Variants in ROCK2 observed in about 807,000 individuals in gnomAD.
ROCK2 encodes the protein Rho associated coiled-coil containing protein kinase 2.
In ROCK2, 61 loss-of-function variants were observed where a neutral mutation model predicts 195.1. The observed-to-expected ratio is 0.31, with a 90% CI of 0.25 to 0.39. ROCK2 has a LOEUF of 0.39. ROCK2 is among the 10% of genes least tolerant of loss of function. The pLI is 1.00. For missense variants in ROCK2, 1,109 were observed against 1,637.4 expected, an observed-to-expected ratio of 0.68 and a Z score of 5.57; for synonymous variants, 504 against 545.5, an observed-to-expected ratio of 0.92 and a Z score of 1.06.
chr2:11,319,243 A>G (rs1668325476), intron 1 of ROCK2, among the ~76,000 whole-genome samples: 1 of 152,180 alleles, frequency 6.6e-6, no homozygotes. Flanking sequence ...TAAGCATGGA[A>G]TGTTCTTCCA....
chr2:11,289,244 C>G (rs972384458), intron 1 of ROCK2, among the ~76,000 whole-genome samples: 1 of 152,106 alleles, frequency 6.6e-6, no homozygotes, highest in Non-Finnish European at 1.5e-5. Context: ...GACATACCCT[C>G]CCACACACAT....
intron 25 of ROCK2, 82 bp downstream of exon 25, chr2:11,198,409 A>C: frequency 1.0e-6 from 1 of 985,690 alleles, no homozygotes; most frequent in Non-Finnish European, 1.6e-6. Context: ...TACTGCTACC[A>C]ATTTGTAATG....
rs1277347871 is a variant in ROCK2 at position 11,200,970 on chromosome 2, G to C, written c.2897C>G (p.Ala966Gly). Residue 966 changes from alanine (A) to glycine (G), a missense_variant, in exon 23 of 33, where the codon GCT (alanine) becomes GGT (glycine). Physicochemically the swap from Ala to Gly is moderately conservative, Grantham distance 60. Coordinates refer to ENST00000315872, the MANE Select transcript of ROCK2 (RefSeq NM_004850.5). ...RHKQELTEKD[A>G]TIASLEETNR... ...AATTTGACTTACAGAAGCAATTGTA[G>C]CATCTTTTTCCGTAAGTTCCTGTTT... is the stretch of plus-strand genomic sequence containing the variant. 3 of 1,595,844 alleles carry C rather than the reference G, an allele frequency of 1.9e-6. No homozygotes were observed. Among genetic ancestry groups the C allele is most frequent in the Non-Finnish European group, 1.7e-6 (2 of 1,174,210 alleles).
At chr2:11,283,483 C>T in intron 3 of ROCK2, among the ~76,000 whole-genome samples, 1 of 147,744 alleles carries the variant, frequency 6.8e-6, no homozygotes, top group African/African-American at 2.5e-5. Flanking sequence ...ATGGCGTGAA[C>T]CCGGGAAGCG....
Position 11,201,238 on chromosome 2 carries a change from T to C in ROCK2, c.2723+72A>G. The C allele has an allele frequency of 6.6e-7, 1 of 1,516,094 alleles. No individual in the cohort carries two copies. The highest frequency in any genetic ancestry group is 1.2e-5 in the South Asian group (1 of 84,002). The allele number at this position is 1,516,094 out of a possible 1,614,324, so 93.9% of individuals were successfully genotyped here. On this transcript the variant is annotated intron_variant, in intron 22 of 32. Coordinates refer to ENST00000315872, the MANE Select transcript of ROCK2 (RefSeq NM_004850.5). This position sits in a 1 kb window ranked among gnomAD's most constrained non-coding sequence, Gnocchi z 4.6. ...ACTTCATCAATAATTTTTTATTTGG[T>C]GATTACCAGGCATTGTTCTAGGAGC...
chr2:11,183,555 A>G (rs1663083815), intron 32 of ROCK2, 115 bp from the exon 33 acceptor site: 3 of 695,056 alleles, frequency 4.3e-6, no homozygotes, highest in South Asian at 2.2e-5. Context: ...TCCAGCTACT[A>G]TATTTTTTAA....
intron 20 of ROCK2, among the ~76,000 whole-genome samples, chr2:11,206,527 A>G (rs1664057863): frequency 6.6e-6 from 1 of 152,232 alleles, no homozygotes; most frequent in Admixed American, 6.5e-5. Flanking sequence ...TTCCAATTTT[A>G]AAAGTTTAAA....
At chr2:11,260,662 T>G (rs1031026879) in intron 3 of ROCK2, among the ~76,000 whole-genome samples, 3 of 152,328 alleles carry the variant, frequency 2.0e-5, no homozygotes, top group African/African-American at 7.2e-5. Context: ...CAAGAACAGT[T>G]TTTAAACTTC....
At chr2:11,332,450 T>C (rs995257952) in intron 1 of ROCK2, among the ~76,000 whole-genome samples, 2 of 152,148 alleles carry the variant, frequency 1.3e-5, no homozygotes, top group African/African-American at 4.8e-5. Flanking sequence ...AACTTAAATA[T>C]AATGATCCAA....
At chr2:11,231,760 A>G (rs1425566745) in intron 5 of ROCK2, among the ~76,000 whole-genome samples, 2 of 152,182 alleles carry the variant, frequency 1.3e-5, no homozygotes, top group African/African-American at 4.8e-5. Context: ...TATCAATTAT[A>G]TAATTTAATG....
intron 17 of ROCK2, among the ~76,000 whole-genome samples, chr2:11,213,047 T>A (rs1001467321): frequency 1.3e-5 from 2 of 152,224 alleles, no homozygotes; most frequent in Admixed American, 6.5e-5. Flanking sequence ...CTTTGACTGC[T>A]ACTCATATGC....
At chr2:11,338,455 T>C (rs187720700) in intron 1 of ROCK2, among the ~76,000 whole-genome samples, 80 of 152,220 alleles carry the variant, frequency 5.3e-4, no homozygotes, top group African/African-American at 1.8e-3. Context: ...AATTAAAAAA[T>C]ACAAACTAAA....
At chr2:11,333,487 T>C (rs982415213) in intron 1 of ROCK2, among the ~76,000 whole-genome samples, 7 of 151,990 alleles carry the variant, frequency 4.6e-5, no homozygotes, top group Admixed American at 4.6e-4. Flanking sequence ...GTTTTAAATA[T>C]GGTCCAGAGA....
At chr2:11,209,461 CTT>C (rs1664175215) in intron 18 of ROCK2, among the ~76,000 whole-genome samples, 2 of 152,132 alleles carry the variant, frequency 1.3e-5, no homozygotes, top group South Asian at 2.1e-4. Flanking sequence ...CTCACAATGT[CTT>C]GTTTTTTAAA....
At position 11,249,641 on chromosome 2, in the gene ROCK2, AT is replaced by A; in HGVS notation, c.462+19del. 2 of 1,442,894 alleles carry A rather than the reference AT, an allele frequency of 1.4e-6. No homozygotes were observed. The highest frequency in any genetic ancestry group is 1.8e-6 in the Non-Finnish European group (2 of 1,096,420). The allele number at this position is 1,442,894 out of a possible 1,614,324, so 89.4% of individuals were successfully genotyped here. A position where few individuals can be genotyped will look rare whatever the true frequency, so the allele number is the denominator to read the frequency against. ...ACTCATAAAAAAAGGAAATAAACTT[AT>A]AAAAGTTAGTATGCTTACCTGAACC... On this transcript the variant is annotated intron_variant, in intron 4 of 32. Coordinates refer to ENST00000315872, the MANE Select transcript of ROCK2 (RefSeq NM_004850.5).
intron 29 of ROCK2, 190 bp from the exon 30 acceptor site, chr2:11,194,047 T>C (rs981804883): frequency 6.6e-6 from 3 of 456,364 alleles, no homozygotes; most frequent in Non-Finnish European, 1.2e-5. Flanking sequence ...AATTTTCTAA[T>C]TAGTTTCAAA....
At chr2:11,266,265 C>A (rs374602593) in intron 3 of ROCK2, among the ~76,000 whole-genome samples, 6 of 152,244 alleles carry the variant, frequency 3.9e-5, no homozygotes, top group Admixed American at 3.3e-4. Context: ...GTTTGTTGGG[C>A]TTGTTTCTTT....
chr2:11,274,502 G>A lies in ROCK2; in HGVS notation c.324+12037C>T, dbSNP rs532459193. Reference sequence around the variant, plus strand: ...CTGACCAATTCTATGTTAACAAATAGAATAACTTAGATAAAACAGACAAAT... The same window carrying A: ...CTGACCAATTCTATGTTAACAAATAAAATAACTTAGATAAAACAGACAAAT... On this transcript the variant is annotated intron_variant, in intron 3 of 32. Transcript: ENST00000315872. Among the ~76,000 whole-genome samples the A allele has an allele frequency of 5.3e-5, 8 of 152,194 alleles. No homozygotes were observed. The South Asian group carries it at 1.7e-3, about 32-fold the overall frequency.
At chr2:11,230,826 A>G (rs1664981633) in intron 5 of ROCK2, among the ~76,000 whole-genome samples, 1 of 152,190 alleles carries the variant, frequency 6.6e-6, no homozygotes, top group South Asian at 2.1e-4. Flanking sequence ...GTTGGTCTAA[A>G]AACAACTGAA....
Sources: gnomAD v4.1 joint callset for allele counts (sites outside exome capture counted in the v4.1 genomes callset) on GRCh38, gnomAD v4.1.1 for gene constraint, Gnocchi (gnomAD v3.1) non-coding constraint, MANE v1.5 for transcripts, NCBI Gene and HGNC (gene_info 2026-07-23, HGNC 2026-07-21) for gene names.